MEIG1: variants seen among roughly 807,000 people sequenced by gnomAD.
MEIG1 encodes meiosis/spermiogenesis associated 1, also known as meiosis expressed gene 1 protein homolog.
A neutral mutation model predicts 11.3 loss-of-function variants in MEIG1; 12 were observed. That is an observed-to-expected ratio of 1.07 (90% CI 0.68 to 1.73). The LOEUF is 1.73. Among genes scored for constraint, MEIG1 ranks in the 40% most tolerant of loss-of-function variants. The pLI, the probability that MEIG1 is intolerant of heterozygous loss-of-function variation, is 0.00. For synonymous variants in MEIG1, 41 were observed against 33.2 expected, an observed-to-expected ratio of 1.24 and a Z score of -0.81; for missense variants, 119 against 104.9, an observed-to-expected ratio of 1.13 and a Z score of -0.59.
chr10:14,983,432 G>T (rs1223072886), intron 1 of MEIG1, among the ~76,000 whole-genome samples: 3 of 151,996 alleles, frequency 2.0e-5, no homozygotes, highest in Non-Finnish European at 4.4e-5. Flanking sequence ...GGAAGGGAGA[G>T]GACGATATGA....
chr10:14,981,629 G>A (rs1241509818), intron 1 of MEIG1, among the ~76,000 whole-genome samples: 6 of 152,104 alleles, frequency 3.9e-5, no homozygotes, highest in East Asian at 1.9e-4. Flanking sequence ...GGCTCTTTGG[G>A]GACGCTTGAG....
At chr10:14,973,762 T>G (rs1843177586), downstream of MEIG1, among the ~76,000 whole-genome samples, 1 of 76,088 alleles carries the variant, frequency 1.3e-5, no homozygotes, top group African/African-American at 5.1e-5. Flanking sequence ...AGAGGGAGAC[T>G]CCATCTCAAA....
intron 1 of MEIG1, among the ~76,000 whole-genome samples, chr10:14,986,112 G>A (rs61177836): frequency 8.5e-4 from 130 of 152,242 alleles, no homozygotes; most frequent in African/African-American, 2.8e-3. Context: ...ATCACAGTGG[G>A]TCTTCACCCT....
chr10:14,962,986 A>C (rs1843033017), intron 1 of MEIG1, among the ~76,000 whole-genome samples: 1 of 148,600 alleles, frequency 6.7e-6, no homozygotes, highest in African/African-American at 2.5e-5. Flanking sequence ...CTGGTCTTGA[A>C]CTCCTGACCT....
intron 1 of MEIG1, among the ~76,000 whole-genome samples, chr10:14,959,821 G>A (rs1035445032): frequency 6.6e-5 from 10 of 152,244 alleles, no homozygotes; most frequent in Non-Finnish European, 1.0e-4. Context: ...GGCTTTAGGG[G>A]CCGCGTCTCC....
upstream of MEIG1, among the ~76,000 whole-genome samples, chr10:14,958,371 T>C (rs1185227834): frequency 1.3e-5 from 2 of 152,236 alleles, no homozygotes; most frequent in Non-Finnish European, 2.9e-5. Flanking sequence ...TAGAAGTTTA[T>C]ATAATTTAAT....
chr10:14,966,442 A>G lies in MEIG1; in HGVS notation c.-27A>G. 3 of 1,568,874 alleles carry G rather than the reference A, an allele frequency of 1.9e-6. No homozygotes were observed. The highest frequency in any genetic ancestry group is 2.6e-6 in the Non-Finnish European group (3 of 1,160,858). On this transcript the variant is annotated splice_region_variant and 5_prime_UTR_variant, in exon 2 of 3. In the 5' UTR this introduces an upstream ATG that the reference lacks. Transcript: ENST00000407572. ...AATGTTGTTTTAACATCTTTCAGATATTATTGATAATAAGGCCTCTGTAAC... is the reference window on the plus strand; with the variant it reads ...AATGTTGTTTTAACATCTTTCAGATGTTATTGATAATAAGGCCTCTGTAAC...
At chr10:14,965,303 T>C (rs1843067295) in intron 1 of MEIG1, among the ~76,000 whole-genome samples, 1 of 152,228 alleles carries the variant, frequency 6.6e-6, no homozygotes, top group African/African-American at 2.4e-5. Context: ...TATATTTTGT[T>C]AATAAAATAA....
intron 1 of MEIG1, among the ~76,000 whole-genome samples, chr10:14,965,468 C>T (rs943545077): frequency 6.6e-6 from 1 of 152,156 alleles, no homozygotes; most frequent in Admixed American, 6.5e-5. Context: ...CTCAGTACCA[C>T]GACAGCCACA....
chr10:14,984,697 C>G (rs1273586590), intron 1 of MEIG1, among the ~76,000 whole-genome samples: 4 of 152,106 alleles, frequency 2.6e-5, no homozygotes, highest in African/African-American at 9.7e-5. Flanking sequence ...AGGGTGTACA[C>G]TCTGTGATAT....
upstream of MEIG1, among the ~76,000 whole-genome samples, chr10:14,958,710 C>T (rs1842975858): frequency 6.6e-6 from 1 of 152,090 alleles, no homozygotes; most frequent in South Asian, 2.1e-4. Context: ...TCCTGGCTAA[C>T]ACGGTGAAAC....
chr10:14,961,912 A>G (rs962018201), intron 1 of MEIG1, among the ~76,000 whole-genome samples: 7 of 151,860 alleles, frequency 4.6e-5, no homozygotes, highest in African/African-American at 7.3e-5. Context: ...GGATCAAACA[A>G]TCCTCCCACC....
At chr10:14,968,726 A>G (rs1379322115) in intron 2 of MEIG1, among the ~76,000 whole-genome samples, 6 of 152,192 alleles carry the variant, frequency 3.9e-5, no homozygotes, top group East Asian at 1.9e-4. Flanking sequence ...TTTCATTACT[A>G]TATCATCTAT....
At chr10:14,957,946 T>A (rs1246631832), upstream of MEIG1, among the ~76,000 whole-genome samples, 1 of 152,128 alleles carries the variant, frequency 6.6e-6, no homozygotes, top group Non-Finnish European at 1.5e-5. Flanking sequence ...GCGCCCGGCC[T>A]TGACTTAGGT....
chr10:14,971,008 T>A (rs1448915064), intron 2 of MEIG1, among the ~76,000 whole-genome samples: 1 of 152,108 alleles, frequency 6.6e-6, no homozygotes, highest in South Asian at 2.1e-4. Flanking sequence ...AGGGATAACA[T>A]TGAAGAGGAA....
intron 1 of MEIG1, among the ~76,000 whole-genome samples, chr10:14,960,650 C>T (rs1843002142): frequency 1.3e-5 from 2 of 151,962 alleles, no homozygotes; most frequent in South Asian, 2.1e-4. Context: ...GATCTCCTGA[C>T]CTCGTGATCC....
intron 1 of MEIG1, among the ~76,000 whole-genome samples, chr10:14,960,077 A>G (rs371102266): frequency 1.3e-5 from 2 of 152,248 alleles, no homozygotes; most frequent in East Asian, 3.9e-4. Context: ...TTTCAAATGA[A>G]CGCCCAGCGA....
intron 1 of MEIG1, among the ~76,000 whole-genome samples, chr10:14,978,045 T>C (rs1181227102): frequency 1.3e-5 from 2 of 151,764 alleles, no homozygotes; most frequent in African/African-American, 4.8e-5. Context: ...GTGTTCCTTT[T>C]AAAGTCACAG....
rs1439997242 is a variant in MEIG1, at chr10:14,987,010, C to G, written n.281C>G. 1.2e-5 allele frequency: 8 copies of G among 649,020 alleles called. No individual in the cohort carries two copies. The African/African-American group carries it at 1.3e-4, about 11-fold the overall frequency. 40.2% of individuals were successfully genotyped at this position (649,020 alleles called of 1,614,324 possible). ...AAAGGACACCAAAACGAAGAAGACA[C>G]AGAGGTGAGGATTCATGATGACTGG... On this transcript the variant is annotated non_coding_transcript_exon_variant, in exon 2 of 3. Transcript: ENST00000467536.
Sources: allele counts gnomAD v4.1 joint callset (sites outside exome capture counted in the v4.1 genomes callset), GRCh38; gene constraint gnomAD v4.1.1; transcripts MANE v1.5; gene names NCBI Gene and HGNC (gene_info 2026-07-23, HGNC 2026-07-21).